Variants in CSMD1 observed in about 807,000 individuals in gnomAD.
The protein encoded by CSMD1 is CUB and Sushi multiple domains 1.
In CSMD1, 213 loss-of-function variants were observed where a neutral mutation model predicts 417.5. The ratio of observed to expected loss-of-function variants is 0.51; its 90% CI spans 0.46 to 0.57. The LOEUF (loss-of-function observed/expected upper bound fraction) is 0.57. CSMD1 is among the 20% of genes least tolerant of loss of function. CSMD1 has a pLI of 0.00. For synonymous variants in CSMD1, 2,862 were observed against 1,736.8 expected (o/e 1.65, Z -16.11); for missense variants, 6,923 against 4,529.7 (o/e 1.53, Z -15.17).
At chr8:3,118,861 A>C (rs1357257644) in intron 41 of CSMD1, among the ~76,000 whole-genome samples, 2 of 152,240 alleles carry the variant, frequency 1.3e-5, no homozygotes, top group Non-Finnish European at 2.9e-5. Context: ...ACCTTGGAAA[A>C]AAGGCATATG....
chr8:3,326,247 C>G (rs1806523261), intron 23 of CSMD1, among the ~76,000 whole-genome samples: 1 of 152,214 alleles, frequency 6.6e-6, no homozygotes, highest in Non-Finnish European at 1.5e-5. Flanking sequence ...CTGTAAGAGA[C>G]TGGAATATAT....
chr8:3,035,255 G>C (rs1479613403), intron 50 of CSMD1, among the ~76,000 whole-genome samples: 1 of 152,104 alleles, frequency 6.6e-6, no homozygotes, highest in Non-Finnish European at 1.5e-5. Context: ...TCCCAGAGAC[G>C]CGCATCTGTT....
intron 57 of CSMD1, among the ~76,000 whole-genome samples, chr8:2,971,159 C>A (rs1804422595): frequency 6.6e-6 from 1 of 152,140 alleles, no homozygotes; most frequent in Admixed American, 6.5e-5. Context: ...GCAATGTTGT[C>A]TCATACACAC....
chr8:4,169,381 C>CA lies in CSMD1; in HGVS notation c.416-137283dup, dbSNP rs376394656. 1.1e-3 allele frequency among the ~76,000 whole-genome samples: 168 copies of CA among 152,092 alleles called. 3 individuals carry two copies. The highest frequency in any genetic ancestry group is 3.8e-3 in the African/African-American group (159 of 41,472). On this transcript the variant is annotated intron_variant, in intron 3 of 69. Coordinates refer to ENST00000635120, the MANE Select transcript of CSMD1 (RefSeq NM_033225.6). ...GACTGCGTTTTCCACTTCCTCAGGC[C>CA]AAAAAACATGAGGCATTGTAAATAC...
At chr8:4,864,875 T>TATACACAC (rs1554505458) in intron 1 of CSMD1, among the ~76,000 whole-genome samples, 2 of 146,898 alleles carry the variant, frequency 1.4e-5, no homozygotes, top group African/African-American at 2.5e-5. Flanking sequence ...TGGATTCTAC[T>TATACACAC]ACACACACAC....
intron 2 of CSMD1, among the ~76,000 whole-genome samples, chr8:4,425,519 G>A (rs997792647): frequency 2.0e-5 from 3 of 152,160 alleles, no homozygotes; most frequent in Middle Eastern, 3.4e-3. Context: ...CACTGGCTGC[G>A]AGTAAGGAAT....
chr8:3,935,011 T>A (rs1166266368), intron 5 of CSMD1, among the ~76,000 whole-genome samples: 1 of 152,200 alleles, frequency 6.6e-6, no homozygotes, highest in Non-Finnish European at 1.5e-5. Context: ...ATCAAGTGCA[T>A]GGAGTATCTG....
intron 1 of CSMD1, among the ~76,000 whole-genome samples, chr8:4,987,699 A>T (rs537711362): frequency 1.3e-5 from 2 of 152,194 alleles, no homozygotes; most frequent in Admixed American, 6.5e-5. Context: ...TTGCCAAAAA[A>T]GATTAACATT....
chr8:3,793,820 G>A (rs1040288914), intron 5 of CSMD1, among the ~76,000 whole-genome samples: 4 of 152,156 alleles, frequency 2.6e-5, no homozygotes, highest in African/African-American at 7.2e-5. Flanking sequence ...GGCACTAAAT[G>A]TCAGGATCTG....
chr8:3,405,115 C>G (rs1335465328), intron 15 of CSMD1, among the ~76,000 whole-genome samples: 1 of 152,086 alleles, frequency 6.6e-6, no homozygotes. Flanking sequence ...TCTACATAAC[C>G]TTTTCAATAA....
Position 3,284,153 on chromosome 8 carries a change from G to C in CSMD1, c.4144C>G (p.Gln1382Glu), listed in dbSNP as rs1287986850. 1 of 1,564,696 alleles carries C rather than the reference G, an allele frequency of 6.4e-7. No individual in the cohort carries two copies. Among genetic ancestry groups the C allele is most frequent in the African/African-American group, 1.4e-5 (1 of 73,634 alleles). The change falls in exon 26 of 70, where the codon CAG (glutamine) becomes GAG (glutamate). Residue 1382 changes from glutamine to glutamate, a missense_variant. By Grantham distance (29) the Gln-to-Glu change is conservative (BLOSUM62 2). Coordinates refer to ENST00000635120, the MANE Select transcript of CSMD1 (RefSeq NM_033225.6). ...FFISKSGFSI[Q>E]FSTSIAATCN... ...ACGCTGTGCCACCTACTGGAGAACTGGATGGAGAAGCCAGACTTGCTGATG... is the reference window on the plus strand; with the variant it reads ...ACGCTGTGCCACCTACTGGAGAACTCGATGGAGAAGCCAGACTTGCTGATG...
intron 2 of CSMD1, among the ~76,000 whole-genome samples, chr8:4,459,511 A>T (rs1014873852): frequency 1.3e-5 from 2 of 152,186 alleles, no homozygotes; most frequent in African/African-American, 2.4e-5. Flanking sequence ...AAATAAATGG[A>T]AATTGTGAGG....
chr8:3,879,730 A>C (rs1806076903), intron 5 of CSMD1, among the ~76,000 whole-genome samples: 1 of 151,914 alleles, frequency 6.6e-6, no homozygotes, highest in Non-Finnish European at 1.5e-5. Context: ...TACATAGAAA[A>C]AGTGTTGCAT....
chr8:4,155,908 T>C (rs1386753385), intron 3 of CSMD1, among the ~76,000 whole-genome samples: 2 of 152,166 alleles, frequency 1.3e-5, no homozygotes, highest in African/African-American at 2.4e-5. Flanking sequence ...AGTGCGGGAA[T>C]GAGCTTTTGA....
At chr8:4,201,988 A>C (rs1362378668) in intron 3 of CSMD1, among the ~76,000 whole-genome samples, 1 of 151,976 alleles carries the variant, frequency 6.6e-6, no homozygotes, top group African/African-American at 2.4e-5. Flanking sequence ...TCCTACTTGC[A>C]TTTTGATGAT....
chr8:4,508,957 G>C (rs1360151166), intron 2 of CSMD1, among the ~76,000 whole-genome samples: 2 of 152,150 alleles, frequency 1.3e-5, no homozygotes, highest in East Asian at 1.9e-4. Flanking sequence ...TGTGAGGGCA[G>C]CCTGAGCTTT....
chr8:4,286,240 G>C (rs540630555), intron 3 of CSMD1, among the ~76,000 whole-genome samples: 8 of 151,970 alleles, frequency 5.3e-5, no homozygotes, highest in African/African-American at 1.7e-4. Context: ...GCTCCATTGC[G>C]TCTCTCCGCC....
At chr8:4,680,568 A>G (rs1244166077) in intron 1 of CSMD1, among the ~76,000 whole-genome samples, 2 of 152,178 alleles carry the variant, frequency 1.3e-5, no homozygotes, top group Middle Eastern at 3.4e-3. Flanking sequence ...GGGGGCCACC[A>G]CATTCTAAGA....
intron 3 of CSMD1, among the ~76,000 whole-genome samples, chr8:4,283,958 G>C (rs779123): frequency 0.99 from 151,169 of 152,300 alleles, 75,033 homozygotes; most frequent in South Asian, 1. Flanking sequence ...TTTGGCCAGG[G>C]GTGGTGGCTC....
Sources: allele counts gnomAD v4.1 joint callset (sites outside exome capture counted in the v4.1 genomes callset), GRCh38; gene constraint gnomAD v4.1.1; transcripts MANE v1.5; gene names NCBI Gene and HGNC (gene_info 2026-07-23, HGNC 2026-07-21).